The following SVIL variants were observed in gnomAD, a reference collection of about 807,000 sequenced individuals.
SVIL encodes archvillin.
Under a neutral mutation model 240.4 loss-of-function variants are expected in SVIL, and 101 were observed. The ratio of observed to expected loss-of-function variants is 0.42; its 90% CI spans 0.36 to 0.50. SVIL has a LOEUF of 0.50. Ranked by LOEUF, SVIL falls within the 20% of genes least tolerant of loss-of-function variation. The pLI, the probability that SVIL is intolerant of heterozygous loss-of-function variation, is 0.01. For missense variants in SVIL, 2,512 were observed against 2,818.7 expected, an observed-to-expected ratio of 0.89 and a Z score of 2.46; for synonymous variants, 999 against 1,100.0, an observed-to-expected ratio of 0.91 and a Z score of 1.82.
intron 1 of SVIL, among the ~76,000 whole-genome samples, chr10:29,687,214 T>C (rs1961138606): frequency 6.6e-6 from 1 of 152,244 alleles, no homozygotes; most frequent in Non-Finnish European, 1.5e-5. Flanking sequence ...TCCGCACTGA[T>C]AATGTCAATT....
intron 29 of SVIL, among the ~76,000 whole-genome samples, chr10:29,475,678 G>A (rs933052230): frequency 1.3e-5 from 2 of 152,286 alleles, no homozygotes; most frequent in Admixed American, 6.5e-5. Context: ...TCTAGGCTGA[G>A]TGAGGCCAGT....
chr10:29,491,513 C>T (rs1406072895), intron 21 of SVIL, among the ~76,000 whole-genome samples: 2 of 152,126 alleles, frequency 1.3e-5, no homozygotes, highest in African/African-American at 4.8e-5. Context: ...CCTTACTGAC[C>T]CTCCATGACT....
chr10:29,489,946 G>A (rs1367089749), intron 22 of SVIL, among the ~76,000 whole-genome samples: 1 of 152,208 alleles, frequency 6.6e-6, no homozygotes, highest in Admixed American at 6.5e-5. Context: ...ATAGGTCTAT[G>A]AGTGTTATGG....
chr10:29,638,683 GAAAGTTAATCCGAAAGT>G (rs1174852830), upstream of SVIL, among the ~76,000 whole-genome samples: 2 of 152,126 alleles, frequency 1.3e-5, no homozygotes, highest in Non-Finnish European at 2.9e-5. Flanking sequence ...CTATAAGAAT[GAAAGTTAATCCGAAAGT>G]AAAATATTTG....
chr10:29,647,641 G>T (rs904074074), intron 3 of SVIL, among the ~76,000 whole-genome samples: 4 of 152,168 alleles, frequency 2.6e-5, no homozygotes, highest in African/African-American at 9.6e-5. Flanking sequence ...GTGTGTTTGT[G>T]TGTGTGTGTG....
In SVIL at chr10:29,486,079, C is replaced by CTG; in HGVS notation, c.4779+4_4779+5dup. 4 of 1,614,234 alleles carry CTG rather than the reference C, an allele frequency of 2.5e-6. No homozygotes were observed. The South Asian group carries it at 4.4e-5, about 18-fold the overall frequency. On this transcript the variant is annotated splice_donor_region_variant and intron_variant, in intron 26 of 37. Coordinates refer to ENST00000355867, the MANE Select transcript of SVIL (RefSeq NM_021738.3). Reference sequence around the variant, plus strand: ...CTCACTGAAGGGCAGAGCCCACGGACTGTACCTCTTTGGGTTGCAGAAGGG... The same window carrying CTG: ...CTCACTGAAGGGCAGAGCCCACGGACTGTGTACCTCTTTGGGTTGCAGAAGGG...
intron 2 of SVIL, among the ~76,000 whole-genome samples, chr10:29,675,224 G>A (rs1358498979): frequency 6.6e-6 from 1 of 152,084 alleles, no homozygotes; most frequent in Non-Finnish European, 1.5e-5. Flanking sequence ...CCTCAGCTGG[G>A]CACAATGGCT....
chr10:29,652,382 C>T (rs1422901013), intron 3 of SVIL, among the ~76,000 whole-genome samples: 1 of 152,208 alleles, frequency 6.6e-6, no homozygotes, highest in African/African-American at 2.4e-5. Context: ...GTCAGCACTA[C>T]AATCCTTTTT....
chr10:29,657,036 G>A (rs1442321199), intron 3 of SVIL, among the ~76,000 whole-genome samples: 1 of 152,184 alleles, frequency 6.6e-6, no homozygotes, highest in Admixed American at 6.5e-5. Flanking sequence ...GAAATTGAAA[G>A]AGAGGTTACA....
chr10:29,516,308 C>T (rs1950194302), intron 16 of SVIL, among the ~76,000 whole-genome samples: 2 of 152,180 alleles, frequency 1.3e-5, no homozygotes, highest in Admixed American at 1.3e-4. Context: ...ACTGTGCTTC[C>T]GTGGAGCCCA....
rs1951292989 is a variant in SVIL at position 29,530,655 on chromosome 10, C to T, written c.2058G>A (p.Val686=). ...ETPTVDDEEK[V]DERAKLSVAA... ...CGACGCTCAGCTTGGCTCGTTCATC[C>T]ACCTTTTCTTCATCTGCAAAAAGCC... Residue 686 remains valine (V), a synonymous_variant, in exon 11 of 38, where the codon GTG becomes GTA. Transcript: ENST00000355867. The T allele has an allele frequency of 6.2e-7, 1 of 1,614,018 alleles. No individual in the cohort carries two copies. The highest frequency in any genetic ancestry group is 1.1e-5 in the South Asian group (1 of 91,082).
intron 1 of SVIL, among the ~76,000 whole-genome samples, chr10:29,622,249 C>CAAAAAA (rs71020801): frequency 4.3e-4 from 22 of 51,626 alleles, no homozygotes; most frequent in African/African-American, 1.8e-3. Flanking sequence ...GACTCCGTCT[C>CAAAAAA]AAAAAAAAAA....
intron 1 of SVIL, among the ~76,000 whole-genome samples, chr10:29,725,249 C>A (rs1964225768): frequency 6.6e-6 from 1 of 151,922 alleles, no homozygotes; most frequent in South Asian, 2.1e-4. Flanking sequence ...CTGCAGAGGA[C>A]CGCTCTTGTG....
At chr10:29,533,523 C>T (rs745796657) in intron 7 of SVIL, 65 bp from the exon 8 acceptor site, 26 of 1,525,650 alleles carry the variant, frequency 1.7e-5, no homozygotes, top group Admixed American at 4.0e-5. Flanking sequence ...GGAAAGCATG[C>T]GTAGATCACA....
rs1335282461 is a variant in SVIL at position 29,735,385 on chromosome 10, G to A, written c.-400+366C>T. Among the ~76,000 whole-genome samples, 3 of 152,046 alleles carry A rather than the reference G, an allele frequency of 2.0e-5. No homozygotes were observed. Among genetic ancestry groups the A allele is most frequent in the South Asian group, 4.1e-4 (2 of 4,834 alleles). ...CCCGCCTCCCCGCCATGCTCTCAGC[G>A]TAACGGGCAGCCGCGCTAACTTCCC... On this transcript the variant is annotated intron_variant, in intron 1 of 35. Transcript: ENST00000375400. This position sits in a 1 kb window ranked among gnomAD's most constrained non-coding sequence, Gnocchi z 4.1.
rs765750788 is a variant in SVIL, at chr10:29,480,812, T to C, written c.5102A>G (p.Glu1701Gly). ...KNPGELAQHK[E>G]DPRTDVKAYD... ...TGCCTTGACATCAGTCCTGGGGTCTTCCTACAGGGGAACACAAAGACATCA... is the reference window on the plus strand; with the variant it reads ...TGCCTTGACATCAGTCCTGGGGTCTCCCTACAGGGGAACACAAAGACATCA... The change falls in exon 29 of 38, where the codon GAA becomes GGA. Residue 1701 changes from glutamate (E) to glycine (G), a missense_variant and splice_region_variant. Coordinates refer to ENST00000355867, the MANE Select transcript of SVIL (RefSeq NM_021738.3). 1 of 1,602,530 alleles carries C rather than the reference T, an allele frequency of 6.2e-7. No individual in the cohort carries two copies. Among genetic ancestry groups the C allele is most frequent in the Non-Finnish European group, 8.5e-7 (1 of 1,174,904 alleles).
At chr10:29,559,156 A>G (rs1163681964) in intron 3 of SVIL, among the ~76,000 whole-genome samples, 6 of 152,084 alleles carry the variant, frequency 3.9e-5, no homozygotes, top group African/African-American at 9.7e-5. Flanking sequence ...CAGTTCTACC[A>G]AAGTTGCCTT....
intron 2 of SVIL, chr10:29,670,987 A>G (rs535827065): frequency 8.1e-4 from 124 of 152,174 alleles, no homozygotes; most frequent in Non-Finnish European, 2.1e-4. Context: ...CTCCCATCCA[A>G]CCCTAAGAGC....
intron 17 of SVIL, among the ~76,000 whole-genome samples, chr10:29,504,606 G>T (rs1342633209): frequency 6.6e-6 from 1 of 152,156 alleles, no homozygotes; most frequent in Non-Finnish European, 1.5e-5. Flanking sequence ...CATCATATCT[G>T]CAAATCTCAT....
Sources: allele counts gnomAD v4.1 joint callset (sites outside exome capture counted in the v4.1 genomes callset), GRCh38; gene constraint gnomAD v4.1.1; non-coding constraint Gnocchi (gnomAD v3.1); transcripts MANE v1.5; gene names NCBI Gene and HGNC (gene_info 2026-07-23, HGNC 2026-07-21).